NIPAL2: variants seen among roughly 807,000 people sequenced by gnomAD.
NIPAL2 encodes the protein NIPA like domain containing 2, also known as NIPA-like protein 2.
NIPAL2 carries 43 observed loss-of-function variants against 48.9 expected under a neutral mutation model. That is an observed-to-expected ratio of 0.88 (90% CI 0.69 to 1.13). The LOEUF is 1.13. Ranked by LOEUF, NIPAL2 falls within the 50% of genes most tolerant of loss-of-function variation. The pLI is 0.00. For missense variants in NIPAL2, 446 were observed against 461.4 expected (o/e 0.97, Z 0.31); for synonymous variants, 167 against 174.6 (o/e 0.96, Z 0.34).
At chr8:98,219,442 T>C (rs1358657649) in intron 5 of NIPAL2, among the ~76,000 whole-genome samples, 8 of 152,012 alleles carry the variant, frequency 5.3e-5, no homozygotes, top group Non-Finnish European at 4.4e-5. Context: ...GGGAAAACAT[T>C]TGGAGGAAGC....
chr8:98,275,450 T>C (rs1301945567), intron 1 of NIPAL2, among the ~76,000 whole-genome samples: 1 of 152,228 alleles, frequency 6.6e-6, no homozygotes, highest in Admixed American at 6.5e-5. Context: ...TTCTCATTGC[T>C]GAGTAGTATT....
At chr8:98,214,563 C>CTT (rs11421143) in intron 5 of NIPAL2, among the ~76,000 whole-genome samples, 2 of 149,208 alleles carry the variant, frequency 1.3e-5, no homozygotes, top group Non-Finnish European at 3.0e-5. Flanking sequence ...AATTTTTTTT[C>CTT]TTTTTTTTTT....
chr8:98,197,083 T>C (rs1249604209), intron 8 of NIPAL2, among the ~76,000 whole-genome samples: 5 of 131,022 alleles, frequency 3.8e-5, no homozygotes, highest in Admixed American at 7.9e-5. Context: ...TTTTTTCTCT[T>C]TTTTTTTTTT....
chr8:98,278,009 ACT>A (rs1419936590), intron 1 of NIPAL2, among the ~76,000 whole-genome samples: 8 of 151,936 alleles, frequency 5.3e-5, no homozygotes, highest in African/African-American at 1.7e-4. Flanking sequence ...TGAATTGCAA[ACT>A]CTCTGTCACT....
intron 1 of NIPAL2, among the ~76,000 whole-genome samples, chr8:98,278,805 C>T (rs1815630748): frequency 6.6e-6 from 1 of 152,044 alleles, no homozygotes; most frequent in Admixed American, 6.5e-5. Context: ...GACATTTTGA[C>T]CTTTGGCACT....
chr8:98,239,323 T>A (rs888186638), intron 3 of NIPAL2, among the ~76,000 whole-genome samples: 1 of 152,232 alleles, frequency 6.6e-6, no homozygotes, highest in African/African-American at 2.4e-5. Context: ...TTCCTTGCTC[T>A]CAGTCCAGAG....
intron 3 of NIPAL2, among the ~76,000 whole-genome samples, chr8:98,240,303 T>C (rs888458271): frequency 6.6e-6 from 1 of 152,184 alleles, no homozygotes; most frequent in Non-Finnish European, 1.5e-5. Flanking sequence ...TGGTGCTTTA[T>C]TAAAAAGTAC....
chr8:98,196,888 T>A (rs1394970651), intron 8 of NIPAL2, among the ~76,000 whole-genome samples: 2 of 152,242 alleles, frequency 1.3e-5, no homozygotes, highest in African/African-American at 2.4e-5. Context: ...ACCTAGGGAA[T>A]GAACTTCTTA....
chr8:98,224,907 C>A (rs962173844), intron 4 of NIPAL2, among the ~76,000 whole-genome samples: 2 of 151,892 alleles, frequency 1.3e-5, no homozygotes, highest in Non-Finnish European at 2.9e-5. Context: ...CAAGCACGTG[C>A]CACCACGCCC....
chr8:98,262,670 A>T, intron 1 of NIPAL2, among the ~76,000 whole-genome samples: 1 of 151,264 alleles, frequency 6.6e-6, no homozygotes, highest in East Asian at 1.9e-4. Flanking sequence ...ACTCCCACAC[A>T]TTAATAATGG....
At chr8:98,207,929 T>A (rs1335725586) in intron 6 of NIPAL2, among the ~76,000 whole-genome samples, 4 of 152,170 alleles carry the variant, frequency 2.6e-5, no homozygotes, top group Non-Finnish European at 5.9e-5. Flanking sequence ...TTAGGTTGTA[T>A]CCATTTTTTT....
At chr8:98,236,851 CAAAAAAAAAAAAA>C (rs34210829) in intron 3 of NIPAL2, among the ~76,000 whole-genome samples, 1 of 66,896 alleles carries the variant, frequency 1.5e-5, no homozygotes, top group South Asian at 8.0e-4. Context: ...GATCCTGTCT[CAAAAAAAAAAAAA>C]AAAAAAAAAA....
chr8:98,246,414 T>G (rs924579372), intron 3 of NIPAL2, among the ~76,000 whole-genome samples: 1 of 152,222 alleles, frequency 6.6e-6, no homozygotes, highest in Non-Finnish European at 1.5e-5. Context: ...TGCAGTTAGC[T>G]CTCCAACCTT....
At chr8:98,290,230 C>A (rs1391599712) in intron 1 of NIPAL2, among the ~76,000 whole-genome samples, 2 of 152,194 alleles carry the variant, frequency 1.3e-5, no homozygotes, top group East Asian at 3.8e-4. Context: ...TCAGTCTCCT[C>A]ACTGTCCTCC....
At chr8:98,286,824 A>C (rs12114917) in intron 1 of NIPAL2, among the ~76,000 whole-genome samples, 12,324 of 145,912 alleles carry the variant, frequency 0.084, 725 homozygotes, top group Middle Eastern at 0.16. Context: ...AAAAAAAAAA[A>C]AAAAAAAAAA....
chr8:98,273,477 C>T (rs1044188332), intron 1 of NIPAL2, among the ~76,000 whole-genome samples: 33 of 151,724 alleles, frequency 2.2e-4, no homozygotes, highest in African/African-American at 7.3e-4. Context: ...TACTAAAAAC[C>T]GAAAGATTGT....
At chr8:98,288,127 T>TGCAC (rs1385562989) in intron 1 of NIPAL2, among the ~76,000 whole-genome samples, 18 of 152,046 alleles carry the variant, frequency 1.2e-4, no homozygotes, top group African/African-American at 4.3e-4. Context: ...GCCATGCTGG[T>TGCAC]GCACTGCACC....
intron 9 of NIPAL2, 87 bp from the exon 10 acceptor site, chr8:98,194,909 A>T: frequency 1.4e-6 from 1 of 694,798 alleles, no homozygotes; most frequent in Non-Finnish European, 2.2e-6. Flanking sequence ...CTACATGATG[A>T]CATAAATCCC....
intron 1 of NIPAL2, among the ~76,000 whole-genome samples, chr8:98,289,222 G>A (rs1436481020): frequency 6.6e-6 from 1 of 152,042 alleles, no homozygotes; most frequent in East Asian, 1.9e-4. Flanking sequence ...TCATATAAAT[G>A]ATTTTTTAAG....
Sources: allele counts gnomAD v4.1 joint callset (sites outside exome capture counted in the v4.1 genomes callset), GRCh38; gene constraint gnomAD v4.1.1; transcripts MANE v1.5; gene names NCBI Gene and HGNC (gene_info 2026-07-23, HGNC 2026-07-21).